ABCC4: variants seen among roughly 807,000 people sequenced by gnomAD.
The protein encoded by ABCC4 is ATP binding cassette subfamily C member 4 (PEL blood group).
Under a neutral mutation model 168.5 loss-of-function variants are expected in ABCC4, and 102 were observed. The ratio of observed to expected loss-of-function variants is 0.61; its 90% confidence interval spans 0.52 to 0.71. ABCC4 has a LOEUF of 0.71. ABCC4 is among the 30% of genes least tolerant of loss of function. The pLI is 0.00. For missense variants in ABCC4, 1,402 were observed against 1,605.8 expected, an observed-to-expected ratio of 0.87 and a Z score of 2.17; for synonymous variants, 617 against 590.7, an observed-to-expected ratio of 1.04 and a Z score of -0.65.
chr13:95,154,640 T>G (rs1399555215), intron 19 of ABCC4, among the ~76,000 whole-genome samples: 1 of 152,246 alleles, frequency 6.6e-6, no homozygotes, highest in African/African-American at 2.4e-5. Context: ...AATGGTGCTG[T>G]GTCAAAACAA....
intron 3 of ABCC4, among the ~76,000 whole-genome samples, chr13:95,240,797 C>G (rs915554428): frequency 6.6e-6 from 1 of 151,974 alleles, no homozygotes; most frequent in Non-Finnish European, 1.5e-5. Context: ...ATGGTAAAAC[C>G]CTGTCTCTAC....
chr13:95,129,095 A>T (rs953191243), intron 19 of ABCC4, among the ~76,000 whole-genome samples: 1 of 152,198 alleles, frequency 6.6e-6, no homozygotes, highest in Non-Finnish European at 1.5e-5. Flanking sequence ...AGAGATCACG[A>T]AGTTGGCTGA....
chr13:95,288,144 A>C (rs2041308353), intron 1 of ABCC4, among the ~76,000 whole-genome samples: 1 of 152,176 alleles, frequency 6.6e-6, no homozygotes, highest in South Asian at 2.1e-4. Flanking sequence ...ATCATAGAAT[A>C]GGATACTGAA....
intron 1 of ABCC4, among the ~76,000 whole-genome samples, chr13:95,265,891 C>T (rs111234756): frequency 2.1e-3 from 322 of 152,118 alleles, no homozygotes; most frequent in Non-Finnish European, 3.6e-3. Flanking sequence ...GGGGGAAAGA[C>T]TAAAATGGGG....
At chr13:95,263,724 G>A (rs548346396) in intron 1 of ABCC4, among the ~76,000 whole-genome samples, 18 of 152,112 alleles carry the variant, frequency 1.2e-4, no homozygotes, top group Admixed American at 7.9e-4. Flanking sequence ...TTGTGAGACT[G>A]AGGCAGGAGA....
intron 10 of ABCC4, 96 bp downstream of exon 10, chr13:95,188,357 T>A (rs951389065): frequency 9.0e-7 from 1 of 1,112,096 alleles, no homozygotes; most frequent in African/African-American, 1.5e-5. Context: ...GTGTACCCAG[T>A]TCAAAATTGT....
intron 20 of ABCC4, among the ~76,000 whole-genome samples, chr13:95,092,360 A>G (rs1459855860): frequency 6.6e-6 from 1 of 152,214 alleles, no homozygotes; most frequent in Non-Finnish European, 1.5e-5. Context: ...CAGAATACAC[A>G]TTCTATTCGA....
At chr13:95,197,874 C>T (rs968387590) in intron 8 of ABCC4, among the ~76,000 whole-genome samples, 7 of 152,088 alleles carry the variant, frequency 4.6e-5, no homozygotes, top group South Asian at 2.1e-4. Flanking sequence ...GAAAAACAGA[C>T]GGAACTTCTT....
intron 1 of ABCC4, among the ~76,000 whole-genome samples, chr13:95,296,963 G>A (rs562284939): frequency 6.6e-6 from 1 of 152,142 alleles, no homozygotes; most frequent in African/African-American, 2.4e-5. Context: ...TGTTAGAAAT[G>A]AAACAATAGC....
At chr13:95,119,586 A>G (rs1678342) in intron 19 of ABCC4, among the ~76,000 whole-genome samples, 65,840 of 152,042 alleles carry the variant, frequency 0.43, 16,491 homozygotes, top group South Asian at 0.69. Context: ...ACTCTATTTT[A>G]CAAACTGATT....
intron 11 of ABCC4, among the ~76,000 whole-genome samples, chr13:95,183,510 G>A (rs771368003): frequency 6.6e-6 from 1 of 152,110 alleles, no homozygotes; most frequent in Non-Finnish European, 1.5e-5. Context: ...AGTCATAAAT[G>A]GCATTTGAGA....
rs201108269 is a variant in ABCC4 at position 95,186,936 on chromosome 13, G to C, written c.1354-44C>G. On this transcript the variant is annotated intron_variant, in intron 10 of 30. Coordinates refer to ENST00000645237, the MANE Select transcript of ABCC4 (RefSeq NM_005845.5). The stretch of plus-strand genomic sequence containing the variant: ...AAGCACATGTTCAGTCAACACTCGA[G>C]ACAAGAATAAGCCACTGCAATGCAG... 3 of 1,537,822 alleles carry C rather than the reference G, an allele frequency of 2.0e-6. No homozygotes were observed. The East Asian group carries it at 7.0e-5, about 36-fold the overall frequency.
intron 4 of ABCC4, among the ~76,000 whole-genome samples, chr13:95,234,022 T>C (rs9524856): frequency 0.73 from 111,339 of 152,170 alleles, 41,747 homozygotes; most frequent in Non-Finnish European, 0.83. Flanking sequence ...GGATTCCATT[T>C]ACATTTTTCT....
rs145757637 is a variant in ABCC4, at chr13:95,207,131, G to A, written c.912-350C>T. Reference sequence around the variant, plus strand: ...GCAACCTCCGCCTCCTGGTTCAAGCGATTCTCCTGCCTCAGCCTCTCAAGT... The same window carrying A: ...GCAACCTCCGCCTCCTGGTTCAAGCAATTCTCCTGCCTCAGCCTCTCAAGT... On this transcript the variant is annotated intron_variant, in intron 7 of 30. Coordinates refer to ENST00000645237, the MANE Select transcript of ABCC4 (RefSeq NM_005845.5). 6.5e-3 allele frequency among the ~76,000 whole-genome samples: 985 copies of A among 152,286 alleles called. 13 individuals carry two copies. The highest frequency in any genetic ancestry group is 0.022 in the African/African-American group (929 of 41,554).
intron 20 of ABCC4, among the ~76,000 whole-genome samples, 199 bp downstream of exon 20, chr13:95,115,723 C>G (rs2035353367): frequency 6.6e-6 from 1 of 152,152 alleles, no homozygotes; most frequent in Non-Finnish European, 1.5e-5. Flanking sequence ...TATAGCCACT[C>G]CCACACACAA....
intron 24 of ABCC4, among the ~76,000 whole-genome samples, chr13:95,072,215 C>T (rs1218673189): frequency 6.6e-6 from 1 of 152,212 alleles, no homozygotes; most frequent in Admixed American, 6.5e-5. Context: ...AATCCCAGCA[C>T]TTTGGGAGGC....
At chr13:95,111,995 A>T (rs922492762) in intron 20 of ABCC4, among the ~76,000 whole-genome samples, 3 of 152,186 alleles carry the variant, frequency 2.0e-5, no homozygotes, top group Admixed American at 1.3e-4. Context: ...TCCTACTTAC[A>T]AAACCAATAA....
intron 19 of ABCC4, 74 bp downstream of exon 19, chr13:95,161,115 G>T: frequency 9.2e-7 from 1 of 1,087,666 alleles, no homozygotes; most frequent in Non-Finnish European, 1.2e-6. Context: ...CATTTTCAAA[G>T]ATGGAAATGT....
In ABCC4 at chr13:95,194,840, T is replaced by A; in HGVS notation, c.1259A>T (p.Asp420Val). Residue 420 changes from aspartate (D) to valine (V), a missense_variant, in exon 9 of 31, where the codon GAT (aspartate) becomes GTT (valine). Physicochemically the swap from Asp to Val is radical, Grantham distance 152. Around this residue, in one of 3 missense-constraint regions of ABCC4, gnomAD observed 1,007 missense variants for 1,127.3 expected, o/e 0.89. Coordinates refer to ENST00000645237, the MANE Select transcript of ABCC4 (RefSeq NM_005845.5). ...CTTGCATTAAGGATATGTTACCTTA[T>A]CCCAAAAAGCAGTAAAATCCTGCAC... ...VHVQDFTAFW[D>V]KASETPTLQG... 1 of 1,613,496 alleles carries A rather than the reference T, an allele frequency of 6.2e-7. No individual in the cohort carries two copies. The highest frequency in any genetic ancestry group is 8.5e-7 in the Non-Finnish European group (1 of 1,179,574).
Sources: gnomAD v4.1 joint callset for allele counts (sites outside exome capture counted in the v4.1 genomes callset) on GRCh38, gnomAD v4.1.1 for gene constraint, gnomAD v4.1.1 regional missense constraint, MANE v1.5 for transcripts, NCBI Gene and HGNC (gene_info 2026-07-23, HGNC 2026-07-21) for gene names.